MYRIP: variants seen among roughly 807,000 people sequenced by gnomAD.
MYRIP encodes rab effector MyRIP.
MYRIP carries 49 observed loss-of-function variants against 98.0 expected under a neutral mutation model. The observed-to-expected ratio is 0.50, with a 90% CI of 0.40 to 0.63. The LOEUF is 0.63. MYRIP is among the 30% of genes least tolerant of loss of function. MYRIP has a pLI of 0.00. For synonymous variants in MYRIP, 404 were observed against 409.5 expected (o/e 0.99, Z 0.16); for missense variants, 1,004 against 1,058.2 (o/e 0.95, Z 0.71).
chr3:40,215,214 T>C (rs1047158447), intron 11 of MYRIP, among the ~76,000 whole-genome samples: 2 of 152,158 alleles, frequency 1.3e-5, no homozygotes, highest in Non-Finnish European at 2.9e-5. Context: ...GCTGAGCCAT[T>C]GTGCTTTATT....
chr3:40,185,249 C>T (rs1053572223), intron 9 of MYRIP, among the ~76,000 whole-genome samples: 1 of 152,190 alleles, frequency 6.6e-6, no homozygotes, highest in Admixed American at 6.5e-5. Flanking sequence ...ACCACAGTAA[C>T]TCCGCTTTCA....
chr3:40,044,957 T>C (rs1296411538), intron 3 of MYRIP, among the ~76,000 whole-genome samples: 1 of 152,186 alleles, frequency 6.6e-6, no homozygotes, highest in African/African-American at 2.4e-5. Context: ...TGTTGAGTAT[T>C]TGGAAACTGA....
chr3:40,212,290 A>G (rs182358729), intron 11 of MYRIP, among the ~76,000 whole-genome samples: 5 of 142,520 alleles, frequency 3.5e-5, no homozygotes, highest in African/African-American at 1.2e-4. Flanking sequence ...AGCGCCATAT[A>G]GACTATATAT....
At chr3:39,928,615 G>A (rs1944470893) in intron 2 of MYRIP, among the ~76,000 whole-genome samples, 1 of 148,920 alleles carries the variant, frequency 6.7e-6, no homozygotes, top group Admixed American at 6.7e-5. Context: ...AAAAGCATTT[G>A]ACAAAATTCA....
chr3:40,161,637 C>T (rs1367796275), intron 4 of MYRIP, among the ~76,000 whole-genome samples: 1 of 152,126 alleles, frequency 6.6e-6, no homozygotes, highest in African/African-American at 2.4e-5. Flanking sequence ...ATAAACACAC[C>T]CAAGTCTCTC....
At chr3:40,228,211 C>G (rs1952544020) in intron 11 of MYRIP, among the ~76,000 whole-genome samples, 1 of 152,166 alleles carries the variant, frequency 6.6e-6, no homozygotes, top group Non-Finnish European at 1.5e-5. Flanking sequence ...CAGAGGGGCT[C>G]CAGATCAGCA....
chr3:40,136,899 T>C (rs1395321368), intron 3 of MYRIP, among the ~76,000 whole-genome samples: 1 of 152,100 alleles, frequency 6.6e-6, no homozygotes, highest in Non-Finnish European at 1.5e-5. Flanking sequence ...TAGAGGGAAA[T>C]TTATAGCACT....
intron 3 of MYRIP, among the ~76,000 whole-genome samples, chr3:40,150,543 A>G (rs1950099523): frequency 6.6e-6 from 1 of 152,222 alleles, no homozygotes; most frequent in Admixed American, 6.5e-5. Flanking sequence ...AATGTTGTTA[A>G]TACAGTAAGA....
At chr3:39,865,994 TA>T (rs1942609200) in intron 1 of MYRIP, among the ~76,000 whole-genome samples, 2 of 152,044 alleles carry the variant, frequency 1.3e-5, no homozygotes, top group South Asian at 4.1e-4. Flanking sequence ...TATGCAGGCA[TA>T]AAAAAGAATG....
At chr3:40,108,082 G>T (rs185980890) in intron 3 of MYRIP, among the ~76,000 whole-genome samples, 1 of 152,042 alleles carries the variant, frequency 6.6e-6, no homozygotes, top group Non-Finnish European at 1.5e-5. Context: ...CAGAAGGAAA[G>T]TGTTAGCAGA....
intron 3 of MYRIP, among the ~76,000 whole-genome samples, chr3:40,047,651 G>A (rs1412558740): frequency 6.6e-6 from 1 of 152,114 alleles, no homozygotes; most frequent in Admixed American, 6.6e-5. Context: ...CTATTTTTCT[G>A]TATTGCTCAA....
intron 10 of MYRIP, among the ~76,000 whole-genome samples, chr3:40,199,089 G>T (rs1213499058): frequency 6.6e-6 from 1 of 152,160 alleles, no homozygotes; most frequent in Non-Finnish European, 1.5e-5. Flanking sequence ...AAAGGAGAGT[G>T]ACATGAGCAG....
chr3:39,836,773 G>C (rs1941640393), intron 1 of MYRIP, among the ~76,000 whole-genome samples: 2 of 152,230 alleles, frequency 1.3e-5, no homozygotes, highest in Admixed American at 1.3e-4. Context: ...ATTAACAACA[G>C]AAACTTTGAG....
At chr3:40,205,420 A>G (rs1226898450) in intron 10 of MYRIP, among the ~76,000 whole-genome samples, 3 of 152,148 alleles carry the variant, frequency 2.0e-5, no homozygotes, top group African/African-American at 7.2e-5. Context: ...TGAGGACACA[A>G]GGGAATGCAG....
chr3:40,198,394 T>G lies in MYRIP; in HGVS notation c.1665+7931T>G, dbSNP rs11914910. Reference sequence around the variant, plus strand: ...GGTTGAGAGAATACTGGGAGGAGGGTCAACAATTATTGTGACTACTTAGAA... The same window carrying G: ...GGTTGAGAGAATACTGGGAGGAGGGGCAACAATTATTGTGACTACTTAGAA... On this transcript the variant is annotated intron_variant, in intron 10 of 16. Coordinates refer to ENST00000302541, the MANE Select transcript of MYRIP (RefSeq NM_015460.4). Among the ~76,000 whole-genome samples, 1,024 of 152,252 alleles carry G rather than the reference T, an allele frequency of 6.7e-3. 13 individuals are homozygous for G. The highest frequency in any genetic ancestry group is 0.024 in the African/African-American group (995 of 41,544).
intron 2 of MYRIP, among the ~76,000 whole-genome samples, chr3:39,946,096 A>G (rs1944894938): frequency 6.6e-6 from 1 of 152,148 alleles, no homozygotes; most frequent in Non-Finnish European, 1.5e-5. Flanking sequence ...CTAGAATGTC[A>G]AGGGAGTGGC....
At position 39,906,515 on chromosome 3, in the gene MYRIP, C is replaced by T. The variant is rs559115327; in HGVS notation, c.110+5589C>T. The stretch of plus-strand genomic sequence containing the variant: ...CAATGGAAATAATAAATTAGCATAA[C>T]AACACAGTATCTTCAACTTTGTCTA... On this transcript the variant is annotated intron_variant, in intron 2 of 16. Coordinates refer to ENST00000302541, the MANE Select transcript of MYRIP (RefSeq NM_015460.4). Among the ~76,000 whole-genome samples the T allele has an allele frequency of 2.1e-4, 32 of 152,314 alleles. 1 individual carries two copies. The highest frequency in any genetic ancestry group is 1.7e-3 in the East Asian group (9 of 5,190).
intron 3 of MYRIP, among the ~76,000 whole-genome samples, chr3:40,056,824 T>C (rs753199733): frequency 8.5e-5 from 13 of 152,162 alleles, no homozygotes; most frequent in Non-Finnish European, 1.8e-4. Flanking sequence ...CTTCCCGAAG[T>C]TGTCAGTCTG....
intron 2 of MYRIP, among the ~76,000 whole-genome samples, chr3:39,968,476 T>C (rs558431666): frequency 5.3e-5 from 8 of 152,336 alleles, no homozygotes; most frequent in African/African-American, 1.9e-4. Flanking sequence ...TTTAAGTCTT[T>C]AACCTATCTT....
Sources: allele counts gnomAD v4.1 joint callset (sites outside exome capture counted in the v4.1 genomes callset), GRCh38; gene constraint gnomAD v4.1.1; transcripts MANE v1.5; gene names NCBI Gene and HGNC (gene_info 2026-07-23, HGNC 2026-07-21).